The following DLGAP2 variants were observed in gnomAD, a reference collection of about 807,000 sequenced individuals.
DLGAP2 encodes the protein DLG associated protein 2, also known as disks large-associated protein 2.
Under a neutral mutation model 100.3 loss-of-function variants are expected in DLGAP2, and 26 were observed. The ratio of observed to expected loss-of-function variants is 0.26; its 90% CI spans 0.19 to 0.36. The LOEUF (loss-of-function observed/expected upper bound fraction) is 0.36. DLGAP2 is among the 10% of genes least tolerant of loss of function. The pLI is 1.00. For synonymous variants in DLGAP2, 886 were observed against 630.1 expected (o/e 1.41, Z -6.08); for missense variants, 1,858 against 1,453.2 (o/e 1.28, Z -4.53).
At chr8:1,574,824 C>A (rs923153427) in intron 6 of DLGAP2, among the ~76,000 whole-genome samples, 2 of 152,176 alleles carry the variant, frequency 1.3e-5, no homozygotes, top group Admixed American at 6.5e-5. Context: ...CACGAACATA[C>A]GTGTGACAGG....
At chr8:866,724 G>T (rs1422399830) in intron 1 of DLGAP2, among the ~76,000 whole-genome samples, 1 of 152,214 alleles carries the variant, frequency 6.6e-6, no homozygotes, top group Non-Finnish European at 1.5e-5. Flanking sequence ...CCCAGACGCT[G>T]TGTGCTGTGA....
At chr8:1,655,124 G>C (rs1161825754) in intron 8 of DLGAP2, among the ~76,000 whole-genome samples, 1 of 152,110 alleles carries the variant, frequency 6.6e-6, no homozygotes, top group African/African-American at 2.4e-5. Context: ...GCCTATCAAC[G>C]TTGCCCCAGA....
chr8:1,409,524 C>T (rs1041630630), intron 3 of DLGAP2, among the ~76,000 whole-genome samples: 22 of 152,214 alleles, frequency 1.4e-4, no homozygotes, highest in African/African-American at 4.1e-4. Context: ...CGAACGTGCT[C>T]AGAACCCTCC....
At chr8:1,111,871 G>C (rs541666470) in intron 2 of DLGAP2, among the ~76,000 whole-genome samples, 1 of 152,172 alleles carries the variant, frequency 6.6e-6, no homozygotes, top group Admixed American at 6.5e-5. Context: ...GAGCATTCAC[G>C]TGCATGTGTC....
intron 1 of DLGAP2, among the ~76,000 whole-genome samples, chr8:764,904 A>C (rs1563419148): frequency 6.6e-6 from 1 of 152,252 alleles, no homozygotes; most frequent in Admixed American, 6.5e-5. Context: ...TAACCTACTC[A>C]AAGCAAAATG....
intron 3 of DLGAP2, among the ~76,000 whole-genome samples, chr8:1,277,950 A>G (rs750718097): frequency 6.6e-6 from 1 of 152,208 alleles, no homozygotes; most frequent in Non-Finnish European, 1.5e-5. Context: ...TAGATTGGGT[A>G]TTGGTAGGGA....
intron 2 of DLGAP2, among the ~76,000 whole-genome samples, chr8:1,237,245 C>T (rs145721482): frequency 5.2e-3 from 686 of 132,724 alleles, no homozygotes; most frequent in South Asian, 0.026. Flanking sequence ...GTGTCTAGTT[C>T]TCTCTCACAT....
chr8:1,068,932 C>A (rs1803342533), intron 2 of DLGAP2, among the ~76,000 whole-genome samples: 1 of 152,138 alleles, frequency 6.6e-6, no homozygotes, highest in Non-Finnish European at 1.5e-5. Context: ...GGGGGCTGGG[C>A]TCAGGGCAGG....
intron 5 of DLGAP2, among the ~76,000 whole-genome samples, chr8:1,551,429 C>A (rs1219273690): frequency 6.6e-6 from 1 of 152,178 alleles, no homozygotes; most frequent in Non-Finnish European, 1.5e-5. Flanking sequence ...GGGTCACCTG[C>A]CTCCAATGCC....
intron 2 of DLGAP2, among the ~76,000 whole-genome samples, chr8:1,211,945 C>T (rs1798114380): frequency 6.6e-6 from 1 of 152,184 alleles, no homozygotes; most frequent in Non-Finnish European, 1.5e-5. Context: ...CCTCGTGCTC[C>T]AGGCCACCAT....
intron 8 of DLGAP2, among the ~76,000 whole-genome samples, chr8:1,648,199 T>C (rs1798086743): frequency 6.6e-6 from 1 of 152,236 alleles, no homozygotes; most frequent in Non-Finnish European, 1.5e-5. Flanking sequence ...TGTCCTAACT[T>C]AGAGGACTCT....
chr8:1,067,457 G>T (rs1199305601), intron 2 of DLGAP2, among the ~76,000 whole-genome samples: 2 of 152,168 alleles, frequency 1.3e-5, no homozygotes, highest in Non-Finnish European at 2.9e-5. Context: ...TTCCTGGGAG[G>T]GGGCCACGCT....
intron 3 of DLGAP2, among the ~76,000 whole-genome samples, chr8:1,475,837 G>C (rs1413616582): frequency 1.3e-5 from 2 of 152,120 alleles, no homozygotes; most frequent in Non-Finnish European, 2.9e-5. Context: ...GTAACCAAAT[G>C]GAAAGGTTCA....
At chr8:1,311,833 A>C (rs567634566) in intron 3 of DLGAP2, among the ~76,000 whole-genome samples, 1 of 152,342 alleles carries the variant, frequency 6.6e-6, no homozygotes, top group East Asian at 1.9e-4. Flanking sequence ...AGAGGGAATA[A>C]ATCTCCAAGA....
rs141478115 is a variant in DLGAP2 at position 1,273,896 on chromosome 8, T to A, written c.106+15013T>A. On this transcript the variant is annotated intron_variant, in intron 3 of 14. Transcript: ENST00000637795. Reference sequence around the variant, plus strand: ...ATTTATGGACTTTAATATCTTCATATATAGCCGGGAATCTGCTCTGACTCT... The same window carrying A: ...ATTTATGGACTTTAATATCTTCATAAATAGCCGGGAATCTGCTCTGACTCT... Among the ~76,000 whole-genome samples the A allele has an allele frequency of 4.2e-3, 638 of 152,342 alleles. 7 individuals carry two copies. Among genetic ancestry groups the A allele is most frequent in the African/African-American group, 0.015 (622 of 41,576 alleles).
At chr8:1,036,673 G>C (rs1420709453) in intron 2 of DLGAP2, among the ~76,000 whole-genome samples, 1 of 152,144 alleles carries the variant, frequency 6.6e-6, no homozygotes, top group Non-Finnish European at 1.5e-5. Flanking sequence ...GCACCCTAGA[G>C]AGCAGCTGTC....
At chr8:1,096,773 C>T (rs1362325549) in intron 2 of DLGAP2, among the ~76,000 whole-genome samples, 6 of 139,706 alleles carry the variant, frequency 4.3e-5, no homozygotes, top group African/African-American at 1.4e-4. Flanking sequence ...AGGCCTTCAC[C>T]CTCTGTGGCA....
At chr8:1,518,178 T>G (rs745985468) in intron 4 of DLGAP2, among the ~76,000 whole-genome samples, 1 of 152,214 alleles carries the variant, frequency 6.6e-6, no homozygotes, top group Non-Finnish European at 1.5e-5. Context: ...GTCCGTACCA[T>G]TTAGCCTCCC....
intron 1 of DLGAP2, among the ~76,000 whole-genome samples, chr8:824,377 A>G (rs1194792405): frequency 2.0e-5 from 3 of 152,086 alleles, no homozygotes; most frequent in Non-Finnish European, 4.4e-5. Flanking sequence ...ATGCCCGGGC[A>G]CATTCCTTCT....
Sources: gnomAD v4.1 joint callset for allele counts (sites outside exome capture counted in the v4.1 genomes callset) on GRCh38, gnomAD v4.1.1 for gene constraint, MANE v1.5 for transcripts, NCBI Gene and HGNC (gene_info 2026-07-23, HGNC 2026-07-21) for gene names.